Variants in CBX3 observed in about 807,000 individuals in gnomAD.
CBX3 encodes chromobox protein homolog 3.
CBX3 carries 5 observed loss-of-function variants against 22.6 expected under a neutral mutation model. The ratio of observed to expected loss-of-function variants is 0.22; its 90% confidence interval spans 0.12 to 0.47. The LOEUF is 0.47. Among genes scored for constraint, CBX3 ranks in the 20% least tolerant of loss-of-function variants. The pLI is 0.99. For missense variants in CBX3, 83 were observed against 208.1 expected (o/e 0.40, Z 3.70); for synonymous variants, 50 against 66.6 (o/e 0.75, Z 1.21).
At chr7:26,211,623 A>G in intron 4 of CBX3, 39 bp from the exon 5 acceptor site, 1 of 1,286,224 alleles carries the variant, frequency 7.8e-7, no homozygotes, top group Non-Finnish European at 1.1e-6. Context: ...ACAATTTAAT[A>G]CTCTGAGTTT....
intron 1 of CBX3, 24 bp from the exon 2 acceptor site, chr7:26,202,947 C>G: frequency 6.7e-7 from 1 of 1,501,768 alleles, no homozygotes; most frequent in Admixed American, 1.7e-5. Context: ...GCAAACTTAC[C>G]TTAACTGTCA....
intron 4 of CBX3, among the ~76,000 whole-genome samples, chr7:26,209,296 A>G (rs987430345): frequency 6.6e-6 from 1 of 152,150 alleles, no homozygotes; most frequent in Admixed American, 6.5e-5. Context: ...TTAGGACAAT[A>G]AGGATGGGCG....
chr7:26,204,799 G>GT (rs1156444636), intron 2 of CBX3, among the ~76,000 whole-genome samples: 3 of 151,800 alleles, frequency 2.0e-5, no homozygotes, highest in African/African-American at 4.8e-5. Flanking sequence ...TTGTTTTTGT[G>GT]TTTTTTTGAG....
intron 4 of CBX3, among the ~76,000 whole-genome samples, chr7:26,209,339 A>G (rs1437056521): frequency 6.6e-6 from 1 of 152,210 alleles, no homozygotes; most frequent in African/African-American, 2.4e-5. Context: ...ATGTGCAGTA[A>G]GTGCTCATGC....
intron 4 of CBX3, among the ~76,000 whole-genome samples, chr7:26,209,336 G>T (rs1784755484): frequency 6.6e-6 from 1 of 152,170 alleles, no homozygotes; most frequent in South Asian, 2.1e-4. Flanking sequence ...TAAATGTGCA[G>T]TAAGTGCTCA....
chr7:26,208,723 G>A (rs368394999), intron 4 of CBX3, among the ~76,000 whole-genome samples, 168 bp downstream of exon 4: 34 of 151,918 alleles, frequency 2.2e-4, no homozygotes, highest in African/African-American at 7.5e-4. Context: ...GGGTTCAAGC[G>A]ATTCTCCTGC....
At chr7:26,204,947 G>C (rs1784641028) in intron 2 of CBX3, among the ~76,000 whole-genome samples, 1 of 151,974 alleles carries the variant, frequency 6.6e-6, no homozygotes, top group Non-Finnish European at 1.5e-5. Flanking sequence ...GCACCACTAT[G>C]CCTGGCTAAT....
chr7:26,210,913 CTG>C (rs1183782794), intron 4 of CBX3, among the ~76,000 whole-genome samples: 1 of 152,078 alleles, frequency 6.6e-6, no homozygotes, highest in Non-Finnish European at 1.5e-5. Context: ...AAAAAGGACT[CTG>C]GAATCCCCAG....
chr7:26,203,356 CATA>C (rs1182402930), intron 2 of CBX3, among the ~76,000 whole-genome samples: 1 of 152,106 alleles, frequency 6.6e-6, no homozygotes, highest in Non-Finnish European at 1.5e-5. Context: ...TGTTGGTTGG[CATA>C]ATTTTTCTTA....
chr7:26,210,534 T>G (rs1784779379), intron 4 of CBX3: 1 of 152,168 alleles, frequency 6.6e-6, no homozygotes, highest in Admixed American at 6.6e-5. Context: ...CTCCAGAGCT[T>G]GTGACATTGA....
intron 4 of CBX3, among the ~76,000 whole-genome samples, chr7:26,210,890 A>C (rs538356956): frequency 1.4e-4 from 22 of 152,220 alleles, no homozygotes; most frequent in African/African-American, 4.3e-4. Context: ...GGGGCCTTAC[A>C]CAACCCCCTC....
At chr7:26,206,005 C>G (rs1246510682) in intron 2 of CBX3, 1 of 176,862 alleles carries the variant, frequency 5.7e-6, no homozygotes, top group Non-Finnish European at 1.2e-5. Context: ...ATGAGAACTG[C>G]TTGAACCTGG....
chr7:26,206,173 G>A (rs1475409104), intron 2 of CBX3, 195 bp from the exon 3 acceptor site: 2 of 504,672 alleles, frequency 4.0e-6, no homozygotes, highest in Admixed American at 7.5e-5. Flanking sequence ...TTGTAAGTTT[G>A]AACTAAATGA....
chr7:26,206,620 G>T, intron 3 of CBX3, 110 bp downstream of exon 3: 10 of 967,270 alleles, frequency 1.0e-5, no homozygotes, highest in Non-Finnish European at 1.6e-5. Flanking sequence ...GTCTTTAAAT[G>T]TAAAGACACT....
rs765035386 is a variant in CBX3, at chr7:26,212,996, C to T, written c.*788C>T. On this transcript the variant is annotated 3_prime_UTR_variant, in exon 6 of 6. Transcript: ENST00000396386. ...ACATTTAAAAGTTTCCCTAGCGGGC[C>T]ATTCCTTAGCAAAATGTTGGAATCC... is the stretch of plus-strand genomic sequence containing the variant. 1.3e-5 allele frequency: 2 copies of T among 152,292 alleles called. No homozygotes were observed. Among genetic ancestry groups the T allele is most frequent in the Non-Finnish European group, 2.9e-5 (2 of 68,052 alleles). 9.4% of individuals were successfully genotyped at this position (152,292 alleles called of 1,614,324 possible).
chr7:26,203,048 G>GT (rs1451874277), intron 2 of CBX3, 26 bp downstream of exon 2: 1 of 1,572,684 alleles, frequency 6.4e-7, no homozygotes, highest in Admixed American at 1.7e-5. Context: ...CCTAAAATAT[G>GT]TAAGGATTTA....
intron 4 of CBX3, among the ~76,000 whole-genome samples, chr7:26,209,404 C>G (rs1326218706): frequency 6.6e-6 from 1 of 152,104 alleles, no homozygotes; most frequent in Non-Finnish European, 1.5e-5. Flanking sequence ...GATCCCTGAT[C>G]AGACCAATTA....
chr7:26,212,635 ATTTT>A lies in CBX3; in HGVS notation c.*433_*436del, dbSNP rs1250400018. ...GTGTATCCATAAAATGCATATGTAA[ATTTT>A]TTTTTGTTTTTAAGCATTCACCCAA... On this transcript the variant is annotated 3_prime_UTR_variant, in exon 6 of 6. Coordinates refer to ENST00000396386, the MANE Select transcript of CBX3 (RefSeq NM_016587.4). 2.0e-5 allele frequency: 3 copies of A among 151,714 alleles called. No individual in the cohort carries two copies. Among genetic ancestry groups the A allele is most frequent in the Non-Finnish European group, 2.9e-5 (2 of 67,910 alleles). 9.4% of individuals were successfully genotyped at this position (151,714 alleles called of 1,614,324 possible). A position where few individuals can be genotyped will look rare whatever the true frequency, so the allele number is the denominator to read the frequency against.
intron 1 of CBX3, 161 bp from the exon 2 acceptor site, chr7:26,202,810 C>T (rs563687492): frequency 5.6e-5 from 36 of 637,518 alleles, no homozygotes; most frequent in African/African-American, 4.0e-4. Flanking sequence ...TACTTAAGTA[C>T]ATCATAAGCA....
Sources: gnomAD v4.1 joint callset for allele counts (sites outside exome capture counted in the v4.1 genomes callset) on GRCh38, gnomAD v4.1.1 for gene constraint, MANE v1.5 for transcripts, NCBI Gene and HGNC (gene_info 2026-07-23, HGNC 2026-07-21) for gene names.